CCDC3: variants seen among roughly 807,000 people sequenced by gnomAD.
The protein encoded by CCDC3 is coiled-coil domain-containing protein 3.
In CCDC3, 24 loss-of-function variants were observed where a neutral mutation model predicts 21.4. That is an observed-to-expected ratio of 1.12 (90% CI 0.81 to 1.58). The LOEUF (loss-of-function observed/expected upper bound fraction) is 1.58, where lower values mean the gene tolerates loss of function less well. Ranked by LOEUF, CCDC3 falls within the 40% of genes most tolerant of loss-of-function variation. The pLI is 0.00. For synonymous variants in CCDC3, 186 were observed against 166.0 expected (o/e 1.12, Z -0.93); for missense variants, 425 against 360.9 (o/e 1.18, Z -1.44).
intron 5 of CCDC3, among the ~76,000 whole-genome samples, chr10:13,015,129 C>A (rs2131401221): frequency 6.6e-6 from 1 of 152,138 alleles, no homozygotes; most frequent in Admixed American, 6.5e-5. Flanking sequence ...ATGATGGGTT[C>A]TTGGGGTGCT....
chr10:12,917,619 A>T (rs1250351550), intron 2 of CCDC3, among the ~76,000 whole-genome samples: 1 of 152,118 alleles, frequency 6.6e-6, no homozygotes, highest in Non-Finnish European at 1.5e-5. Context: ...GTGGGAGATG[A>T]GTGGTGAAGA....
intron 5 of CCDC3, among the ~76,000 whole-genome samples, chr10:13,022,557 C>T (rs1449174610): frequency 6.6e-6 from 1 of 152,082 alleles, no homozygotes; most frequent in Non-Finnish European, 1.5e-5. Context: ...CTTTTAATGG[C>T]CAAAAGTAAT....
At chr10:12,960,564 A>T (rs1381906855) in intron 2 of CCDC3, among the ~76,000 whole-genome samples, 1 of 152,194 alleles carries the variant, frequency 6.6e-6, no homozygotes, top group African/African-American at 2.4e-5. Context: ...AAGATGCTGG[A>T]CGTGCCTCCA....
At chr10:13,038,666 C>G (rs1588400310) in intron 5 of CCDC3, among the ~76,000 whole-genome samples, 1 of 152,358 alleles carries the variant, frequency 6.6e-6, no homozygotes, top group East Asian at 1.9e-4. Context: ...AGCCCCACTG[C>G]TGTCTTGGTA....
chr10:12,926,914 CAT>C (rs1834550414), intron 2 of CCDC3, among the ~76,000 whole-genome samples: 1 of 152,022 alleles, frequency 6.6e-6, no homozygotes, highest in Admixed American at 6.6e-5. Flanking sequence ...ACAAAAAATA[CAT>C]AAACTCAGAG....
intron 2 of CCDC3, among the ~76,000 whole-genome samples, chr10:12,919,758 G>A (rs1834419166): frequency 6.6e-6 from 1 of 151,434 alleles, no homozygotes; most frequent in African/African-American, 2.4e-5. Context: ...GGGGTGGGTG[G>A]GGGGTGGGCG....
intron 2 of CCDC3, among the ~76,000 whole-genome samples, chr10:12,955,622 A>G (rs989518951): frequency 2.0e-5 from 3 of 152,148 alleles, no homozygotes; most frequent in Non-Finnish European, 4.4e-5. Flanking sequence ...GTGAGATCAC[A>G]GCTCACTGCA....
intron 3 of CCDC3, among the ~76,000 whole-genome samples, chr10:13,090,034 GATATATATATAT>G (rs66476163): frequency 0.17 from 22,160 of 128,652 alleles, 2,727 homozygotes; most frequent in East Asian, 0.28. Context: ...TATTCCGTTA[GATATATATATAT>G]ATATATATAT....
intron 5 of CCDC3, among the ~76,000 whole-genome samples, chr10:13,035,821 A>G (rs1439575955): frequency 2.0e-5 from 3 of 152,146 alleles, no homozygotes; most frequent in Non-Finnish European, 4.4e-5. Context: ...GAGAGAAGCA[A>G]AAAGGAGCTG....
At chr10:12,936,510 A>AGC (rs1834740622) in intron 2 of CCDC3, among the ~76,000 whole-genome samples, 1 of 152,030 alleles carries the variant, frequency 6.6e-6, no homozygotes, top group Non-Finnish European at 1.5e-5. Flanking sequence ...CAGGGTACTG[A>AGC]GCCACTGTGC....
At chr10:13,061,877 G>A (rs6602630) in intron 4 of CCDC3, among the ~76,000 whole-genome samples, 94,486 of 151,822 alleles carry the variant, frequency 0.62, 30,001 homozygotes, top group African/African-American at 0.75. Context: ...AGAAGGTGCT[G>A]GACTCTCAGT....
At chr10:12,987,994 C>T (rs534306629) in intron 2 of CCDC3, among the ~76,000 whole-genome samples, 1 of 150,814 alleles carries the variant, frequency 6.6e-6, no homozygotes, top group South Asian at 2.1e-4. Flanking sequence ...GTGGTTCACT[C>T]AGCTGCCAGA....
At chr10:12,993,020 T>C (rs1370843362) in intron 2 of CCDC3, among the ~76,000 whole-genome samples, 2 of 152,192 alleles carry the variant, frequency 1.3e-5, no homozygotes, top group African/African-American at 2.4e-5. Context: ...GTGCAGAAGA[T>C]AGCTTCCCTT....
chr10:13,025,571 T>G (rs578099069), intron 5 of CCDC3, among the ~76,000 whole-genome samples: 1 of 152,338 alleles, frequency 6.6e-6, no homozygotes, highest in South Asian at 2.1e-4. Flanking sequence ...AAAAATCACT[T>G]TTATAAATTT....
At chr10:12,925,053 A>G (rs1454109689) in intron 2 of CCDC3, among the ~76,000 whole-genome samples, 1 of 152,158 alleles carries the variant, frequency 6.6e-6, no homozygotes, top group Non-Finnish European at 1.5e-5. Flanking sequence ...CTGTGTGTTG[A>G]AGGAGAGGGG....
intron 5 of CCDC3, among the ~76,000 whole-genome samples, chr10:13,047,137 A>G (rs569867719): frequency 6.6e-5 from 10 of 152,220 alleles, no homozygotes; most frequent in Non-Finnish European, 1.3e-4. Context: ...ATCGCCATTC[A>G]GTTCTCACCA....
chr10:12,897,267 A>G lies in CCDC3; in HGVS notation c.*1149T>C, dbSNP rs183939790. 6.6e-6 allele frequency: 1 copy of G among 152,372 alleles called. No homozygotes were observed. Among genetic ancestry groups the G allele is most frequent in the East Asian group, 1.9e-4 (1 of 5,188 alleles). 9.4% of individuals were successfully genotyped at this position (152,372 alleles called of 1,614,324 possible). ...GGGACCCACTCAAATGTGCCTGAGC[A>G]ATAAGTCTAGTGAATACTCTCATTT... On this transcript the variant is annotated 3_prime_UTR_variant, in exon 3 of 3. Transcript: ENST00000378825.
intron 4 of CCDC3, among the ~76,000 whole-genome samples, chr10:13,073,372 T>C (rs61851392): frequency 0.088 from 11,730 of 133,496 alleles, 599 homozygotes; most frequent in Middle Eastern, 0.16. Flanking sequence ...AGCTGGAAGA[T>C]GCACAGACAC....
chr10:12,977,231 C>T (rs969875333), intron 2 of CCDC3, among the ~76,000 whole-genome samples: 1 of 151,686 alleles, frequency 6.6e-6, no homozygotes, highest in South Asian at 2.1e-4. Flanking sequence ...GCTGAAGTTG[C>T]GCCACTGCAT....
Sources: allele counts gnomAD v4.1 joint callset (sites outside exome capture counted in the v4.1 genomes callset), GRCh38; gene constraint gnomAD v4.1.1; transcripts MANE v1.5; gene names NCBI Gene and HGNC (gene_info 2026-07-23, HGNC 2026-07-21).